The following CFAP54 variants were observed in gnomAD, a reference collection of about 807,000 sequenced individuals.
CFAP54 encodes cilia- and flagella-associated protein 54.
CFAP54 carries 290 observed loss-of-function variants against 370.4 expected under a neutral mutation model. That is an observed-to-expected ratio of 0.78 (90% CI 0.71 to 0.86). The LOEUF (loss-of-function observed/expected upper bound fraction) is 0.86. Among genes scored for constraint, CFAP54 ranks in the 40% least tolerant of loss-of-function variants. The pLI, the probability that CFAP54 is intolerant of heterozygous loss-of-function variation, is 0.00. For missense variants in CFAP54, 3,399 were observed against 3,528.7 expected (o/e 0.96, Z 0.93); for synonymous variants, 1,206 against 1,236.5 (o/e 0.98, Z 0.52).
intron 13 of CFAP54, 37 bp from the exon 14 acceptor site, chr12:96,540,800 C>T (rs778522098): frequency 7.6e-7 from 1 of 1,317,118 alleles, no homozygotes; most frequent in South Asian, 1.8e-5. Flanking sequence ...GTTTCATATA[C>T]TTTTAATTAA....
intron 6 of CFAP54, 31 bp downstream of exon 6, chr12:96,519,102 GTTTT>G: frequency 2.2e-6 from 3 of 1,338,668 alleles, no homozygotes; most frequent in Non-Finnish European, 3.0e-6. Flanking sequence ...GAGGAGTCGA[GTTTT>G]TTTTTTTTTT....
chr12:96,714,570 G>A (rs1217573809), intron 48 of CFAP54, among the ~76,000 whole-genome samples: 1 of 152,130 alleles, frequency 6.6e-6, no homozygotes, highest in South Asian at 2.1e-4. Flanking sequence ...GAGTGAACAA[G>A]GTGTTTTGAG....
intron 55 of CFAP54, among the ~76,000 whole-genome samples, chr12:96,751,946 T>C (rs189468822): frequency 1.3e-5 from 2 of 152,146 alleles, no homozygotes; most frequent in Non-Finnish European, 2.9e-5. Flanking sequence ...CTCCTTACTC[T>C]TCTGGGAGCC....
At chr12:96,632,198 T>C (rs113067788) in intron 32 of CFAP54, among the ~76,000 whole-genome samples, 12 of 152,104 alleles carry the variant, frequency 7.9e-5, no homozygotes, top group African/African-American at 2.9e-4. Context: ...TCTTATTTAA[T>C]TTTATAAGTT....
intron 5 of CFAP54, among the ~76,000 whole-genome samples, chr12:96,513,290 C>G (rs1203232765): frequency 6.6e-6 from 1 of 152,144 alleles, no homozygotes. Flanking sequence ...TATTCTCTGT[C>G]TCTCAGATAG....
chr12:96,729,059 C>T (rs749608180), intron 50 of CFAP54, among the ~76,000 whole-genome samples: 4 of 152,114 alleles, frequency 2.6e-5, no homozygotes, highest in East Asian at 1.9e-4. Context: ...GAGGAGTACC[C>T]GGCCATGTGA....
intron 26 of CFAP54, among the ~76,000 whole-genome samples, chr12:96,617,072 G>GGGAA (rs1381709773): frequency 2.0e-5 from 3 of 152,118 alleles, no homozygotes; most frequent in Non-Finnish European, 4.4e-5. Flanking sequence ...AGGAGGGAGA[G>GGGAA]GGAAGAGGCA....
chr12:96,742,330 T>C, intron 51 of CFAP54, 109 bp from the exon 52 acceptor site: 1 of 691,006 alleles, frequency 1.4e-6, no homozygotes, highest in Non-Finnish European at 2.4e-6. Context: ...AAAATTGTAA[T>C]ACTGTGGAAT....
intron 11 of CFAP54, among the ~76,000 whole-genome samples, chr12:96,535,189 A>G (rs1485980084): frequency 6.6e-6 from 1 of 152,008 alleles, no homozygotes; most frequent in Non-Finnish European, 1.5e-5. Flanking sequence ...AGCTAGGATT[A>G]CAGTGACTTG....
chr12:96,680,772 T>C (rs1442187543), intron 40 of CFAP54, among the ~76,000 whole-genome samples: 1 of 152,098 alleles, frequency 6.6e-6, no homozygotes, highest in African/African-American at 2.4e-5. Context: ...CTTCTTTTAA[T>C]TGCTCCATAC....
At chr12:96,829,462 C>T (rs1355212032) in intron 66 of CFAP54, among the ~76,000 whole-genome samples, 2 of 151,822 alleles carry the variant, frequency 1.3e-5, no homozygotes, top group East Asian at 1.9e-4. Context: ...CTTTTTTCAT[C>T]GAATAATAAT....
chr12:96,675,973 A>G (rs7956423), intron 39 of CFAP54, among the ~76,000 whole-genome samples: 37,618 of 150,714 alleles, frequency 0.25, 4,920 homozygotes, highest in South Asian at 0.29. Context: ...GCATTAGGAG[A>G]TATACCTAAT....
chr12:96,578,916 T>C (rs1956006357), intron 20 of CFAP54, among the ~76,000 whole-genome samples: 1 of 152,226 alleles, frequency 6.6e-6, no homozygotes, highest in South Asian at 2.1e-4. Context: ...TACCCTTATG[T>C]AGATTCTAAT....
In CFAP54 at chr12:96,648,580, C is replaced by CTTTTTTT. The variant is rs11303164; in HGVS notation, c.4690+584_4690+590dup. On this transcript the variant is annotated intron_variant, in intron 34 of 67. Coordinates refer to ENST00000524981, the MANE Select transcript of CFAP54 (RefSeq NM_001306084.2). ...TAGAGACATGCAGGTAAACAGGGTT[C>CTTTTTTT]TTTTTTTTTTTTTTTTTTTTTTTTT... Among the ~76,000 whole-genome samples the CTTTTTTT allele has an allele frequency of 2.4e-3, 139 of 58,702 alleles. 3 individuals carry two copies. The highest frequency in any genetic ancestry group is 3.4e-3 in the Non-Finnish European group (116 of 33,848). The allele number at this position is 58,702 out of a possible 152,430, so 38.5% of individuals were successfully genotyped here. A position where few individuals can be genotyped will look rare whatever the true frequency, so the allele number is the denominator to read the frequency against.
At chr12:96,606,273 G>T (rs984991681) in intron 26 of CFAP54, among the ~76,000 whole-genome samples, 1 of 152,164 alleles carries the variant, frequency 6.6e-6, no homozygotes, top group African/African-American at 2.4e-5. Context: ...TAGACTTAGA[G>T]GTTCATGACC....
intron 66 of CFAP54, among the ~76,000 whole-genome samples, chr12:96,849,373 C>A (rs1429308615): frequency 2.0e-5 from 3 of 152,058 alleles, no homozygotes; most frequent in Admixed American, 6.6e-5. Context: ...AATAGGCATG[C>A]CTAATTGATT....
chr12:96,497,450 A>C (rs1805687370), intron 1 of CFAP54, among the ~76,000 whole-genome samples: 1 of 152,232 alleles, frequency 6.6e-6, no homozygotes, highest in Middle Eastern at 3.2e-3. Flanking sequence ...TCTATGGAAC[A>C]ATATACACAG....
At chr12:96,664,079 G>A (rs1430824083) in intron 39 of CFAP54, 147 bp downstream of exon 39, 10 of 653,188 alleles carry the variant, frequency 1.5e-5, no homozygotes, top group African/African-American at 3.7e-5. Flanking sequence ...TTTGATTTTC[G>A]CCATCTTACG....
chr12:96,737,082 G>T (rs1957987839), intron 50 of CFAP54, among the ~76,000 whole-genome samples: 1 of 152,220 alleles, frequency 6.6e-6, no homozygotes, highest in South Asian at 2.1e-4. Flanking sequence ...GAGGCAAGAA[G>T]TGTTTCAGAT....
Sources: gnomAD v4.1 joint callset for allele counts (sites outside exome capture counted in the v4.1 genomes callset) on GRCh38, gnomAD v4.1.1 for gene constraint, MANE v1.5 for transcripts, NCBI Gene and HGNC (gene_info 2026-07-23, HGNC 2026-07-21) for gene names.